EGFR: variants seen among roughly 807,000 people sequenced by gnomAD.
The protein encoded by EGFR is avian erythroblastic leukemia viral (v-erb-b) oncogene homolog.
EGFR carries 58 observed loss-of-function variants against 143.0 expected under a neutral mutation model. The ratio of observed to expected loss-of-function variants is 0.41; its 90% CI spans 0.33 to 0.50. EGFR has a LOEUF of 0.50. EGFR is among the 20% of genes least tolerant of loss of function. The pLI, the probability that EGFR is intolerant of heterozygous loss-of-function variation, is 0.39. For synonymous variants in EGFR, 613 were observed against 594.4 expected (o/e 1.03, Z -0.45); for missense variants, 1,307 against 1,579.0 (o/e 0.83, Z 2.92).
At chr7:55,122,134 G>A (rs1214125166) in intron 1 of EGFR, among the ~76,000 whole-genome samples, 2 of 152,186 alleles carry the variant, frequency 1.3e-5, no homozygotes, top group Non-Finnish European at 2.9e-5. Flanking sequence ...ACCATAACTG[G>A]GAAGGCTCTA....
intron 1 of EGFR, chr7:55,119,157 T>C (rs2128912613): frequency 6.6e-6 from 1 of 152,282 alleles, no homozygotes; most frequent in East Asian, 1.9e-4. Context: ...AGCTATAAAA[T>C]TAATTTTTGA....
At chr7:55,099,370 C>T (rs56208956) in intron 1 of EGFR, among the ~76,000 whole-genome samples, 11,517 of 152,266 alleles carry the variant, frequency 0.076, 558 homozygotes, top group African/African-American at 0.14. Flanking sequence ...TTTAATGCCA[C>T]ATTCTTTTAA....
intron 1 of EGFR, among the ~76,000 whole-genome samples, chr7:55,137,423 C>T (rs771697218): frequency 9.2e-5 from 14 of 151,966 alleles, no homozygotes; most frequent in Non-Finnish European, 1.8e-4. Context: ...ATAGATTTGC[C>T]CAGGCTTGTG....
chr7:55,123,898 TGC>T (rs1173007623), intron 1 of EGFR, among the ~76,000 whole-genome samples: 1 of 147,446 alleles, frequency 6.8e-6, no homozygotes, highest in Admixed American at 6.9e-5. Flanking sequence ...TGTGTGTGTG[TGC>T]ATGTGTGTGC....
At chr7:55,140,360 T>C (rs1318001678) in intron 1 of EGFR, among the ~76,000 whole-genome samples, 1 of 152,112 alleles carries the variant, frequency 6.6e-6, no homozygotes, top group South Asian at 2.1e-4. Flanking sequence ...CCTGTTCATC[T>C]GTTTGGCACG....
intron 1 of EGFR, among the ~76,000 whole-genome samples, chr7:55,104,047 A>G (rs918711829): frequency 6.6e-6 from 1 of 152,216 alleles, no homozygotes; most frequent in African/African-American, 2.4e-5. Context: ...CTCAAATCCA[A>G]TTTATAGGAG....
At chr7:55,166,196 A>T in intron 15 of EGFR, 1 of 490,766 alleles carries the variant, frequency 2.0e-6, no homozygotes, top group South Asian at 1.7e-5. Context: ...TGGAATTAGC[A>T]GAAGCACTCT....
rs552388504 is a variant in EGFR, at chr7:55,105,163, C to T, written c.89-37123C>T. On this transcript the variant is annotated intron_variant, in intron 1 of 27. Coordinates refer to ENST00000275493, the MANE Select transcript of EGFR (RefSeq NM_005228.5). ...GGTTGTTACATGTCTGCCTTTATTG[C>T]TTATTTTTAGCCATCTCCCCTGATG... Among the ~76,000 whole-genome samples, 25 of 152,248 alleles carry T rather than the reference C, an allele frequency of 1.6e-4. No homozygotes were observed. In the East Asian group the frequency reaches 4.6e-3, roughly 28 times the overall value.
intron 1 of EGFR, among the ~76,000 whole-genome samples, chr7:55,041,859 A>G (rs1787917770): frequency 1.3e-5 from 2 of 152,236 alleles, no homozygotes; most frequent in Admixed American, 1.3e-4. Flanking sequence ...GTTTAAGGAA[A>G]CAGTACTTGG....
chr7:55,070,263 C>A (rs1279727000), intron 1 of EGFR, among the ~76,000 whole-genome samples: 1 of 152,158 alleles, frequency 6.6e-6, no homozygotes, highest in Non-Finnish European at 1.5e-5. Context: ...TTTCAGGGCA[C>A]AATACTTCTC....
chr7:55,191,841 G>T lies in EGFR; in HGVS notation c.2592G>T (p.Ala864=), dbSNP rs397517131. The T allele has an allele frequency of 6.2e-7, 1 of 1,613,968 alleles. No homozygotes were observed. The highest frequency in any genetic ancestry group is 8.5e-7 in the Non-Finnish European group (1 of 1,180,030). The change falls in exon 21 of 28, where the codon GCG becomes GCT. Residue 864 remains alanine, a synonymous_variant. Transcript: ENST00000275493. Reference sequence around the variant, plus strand: ...TTGGGCTGGCCAAACTGCTGGGTGCGGAAGAGAAAGAATACCATGCAGAAG... The same window carrying T: ...TTGGGCTGGCCAAACTGCTGGGTGCTGAAGAGAAAGAATACCATGCAGAAG... ...TDFGLAKLLG[A]EEKEYHAEGG...
chr7:55,161,417 C>A (rs1785694425), intron 12 of EGFR, 82 bp from the exon 13 acceptor site: 1 of 1,530,024 alleles, frequency 6.5e-7, no homozygotes, highest in Non-Finnish European at 8.7e-7. Flanking sequence ...GCACAGGGCC[C>A]CTCCCGGGAA....
At chr7:55,143,187 AGCACTCGTGT>A (rs1282337597) in intron 2 of EGFR, 108 bp from the exon 3 acceptor site, 27 of 974,046 alleles carry the variant, frequency 2.8e-5, no homozygotes, top group Middle Eastern at 3.1e-4. Flanking sequence ...ACAGTTGTTG[AGCACTCGTGT>A]GCATTAGGGT....
At chr7:55,060,400 T>C (rs1789097182) in intron 1 of EGFR, among the ~76,000 whole-genome samples, 1 of 152,246 alleles carries the variant, frequency 6.6e-6, no homozygotes, top group Non-Finnish European at 1.5e-5. Flanking sequence ...TGGATTCTTG[T>C]GGTAAATTTT....
intron 15 of EGFR, among the ~76,000 whole-genome samples, chr7:55,169,056 T>C (rs564315008): frequency 1.6e-4 from 25 of 151,858 alleles, no homozygotes; most frequent in Admixed American, 5.2e-4. Context: ...ACCGGGCAGG[T>C]GCAGCCACCC....
At chr7:55,114,478 C>T (rs1403039544) in intron 1 of EGFR, among the ~76,000 whole-genome samples, 1 of 151,494 alleles carries the variant, frequency 6.6e-6, no homozygotes, top group South Asian at 2.1e-4. Context: ...ACAGTGAGAC[C>T]CTGTTTCTAA....
chr7:55,076,465 T>C (rs1223416909), intron 1 of EGFR, among the ~76,000 whole-genome samples: 4 of 152,208 alleles, frequency 2.6e-5, no homozygotes, highest in Non-Finnish European at 5.9e-5. Flanking sequence ...GATTACAATT[T>C]TTAGGACACT....
At chr7:55,056,508 G>GAA (rs1354042126) in intron 1 of EGFR, among the ~76,000 whole-genome samples, 59 of 152,282 alleles carry the variant, frequency 3.9e-4, no homozygotes, top group African/African-American at 1.3e-3. Flanking sequence ...TTCACATATT[G>GAA]TTAGAATTCT....
intron 1 of EGFR, among the ~76,000 whole-genome samples, chr7:55,053,312 G>A (rs1230636933): frequency 6.6e-6 from 1 of 152,168 alleles, no homozygotes; most frequent in Non-Finnish European, 1.5e-5. Flanking sequence ...TGGAAAGGAG[G>A]GTGCATCTCT....
Sources: gnomAD v4.1 joint callset for allele counts (sites outside exome capture counted in the v4.1 genomes callset) on GRCh38, gnomAD v4.1.1 for gene constraint, MANE v1.5 for transcripts, NCBI Gene and HGNC (gene_info 2026-07-23, HGNC 2026-07-21) for gene names.